Variants in TMEM97 observed in about 807,000 individuals in gnomAD.
TMEM97 encodes sigma intracellular receptor 2.
In TMEM97, 13 loss-of-function variants were observed where a neutral mutation model predicts 18.3. That is an observed-to-expected ratio of 0.71 (90% CI 0.46 to 1.13). TMEM97 has a LOEUF of 1.13. TMEM97 is among the 50% of genes most tolerant of loss of function. The probability of loss-of-function intolerance (pLI) is 0.00; values close to 1 mark genes in which losing one functional copy is unlikely to be tolerated. For synonymous variants in TMEM97, 76 were observed against 85.3 expected (o/e 0.89, Z 0.60); for missense variants, 205 against 210.5 (o/e 0.97, Z 0.16).
At position 28,319,282 on chromosome 17, in the gene TMEM97, G is replaced by T; in HGVS notation, c.43G>T (p.Gly15Cys). The T allele has an allele frequency of 6.2e-7, 1 of 1,610,390 alleles. No individual in the cohort carries two copies. Among genetic ancestry groups the T allele is most frequent in the South Asian group, 1.1e-5 (1 of 90,924 alleles). Residue 15 changes from glycine to cysteine, a missense_variant, in exon 1 of 3, where the codon GGC becomes TGC. Physicochemically the swap from Gly to Cys is radical, Grantham distance 159. Transcript: ENST00000226230. ...CAGGCGCTGCGTGGAGTGGCTGCTG[G>T]GCCTCTACTTCCTCAGCCACATCCC... ...ATRRCVEWLL[G>C]LYFLSHIPIT...
chr17:28,323,947 G>A (rs1331222498), intron 1 of TMEM97, among the ~76,000 whole-genome samples: 5 of 152,264 alleles, frequency 3.3e-5, no homozygotes, highest in East Asian at 1.9e-4. Context: ...GCAGTGGGCC[G>A]AGATCAAATC....
intron 1 of TMEM97, among the ~76,000 whole-genome samples, chr17:28,320,937 C>T (rs1906118528): frequency 6.6e-6 from 1 of 152,182 alleles, no homozygotes; most frequent in African/African-American, 2.4e-5. Context: ...CACCAGATAA[C>T]CCAGAAAATC....
At position 28,326,940 on chromosome 17, in the gene TMEM97, C is replaced by A. The variant is rs1286598502; in HGVS notation, c.*147C>A. On this transcript the variant is annotated 3_prime_UTR_variant, in exon 3 of 3. Transcript: ENST00000226230. The stretch of plus-strand genomic sequence containing the variant: ...ACAAGAGCAAGATGGTGTCAGGAAC[C>A]ATGTCAAACCCTCACCTTCTTCCAT... 5 of 1,010,478 alleles carry A rather than the reference C, an allele frequency of 4.9e-6. No homozygotes were observed. The highest frequency in any genetic ancestry group is 4.9e-5 in the African/African-American group (3 of 61,794). 62.6% of individuals were successfully genotyped at this position (1,010,478 alleles called of 1,614,324 possible). A position where few individuals can be genotyped will look rare whatever the true frequency, so the allele number is the denominator to read the frequency against.
Position 28,328,418 on chromosome 17 carries a change from C to A in TMEM97, c.*1625C>A. On this transcript the variant is annotated 3_prime_UTR_variant, in exon 3 of 3. Coordinates refer to ENST00000226230, the MANE Select transcript of TMEM97 (RefSeq NM_014573.3). ...AAGTTTACAAACTGCTTAGTTCCAACTAAGCATAAGAGGTGAGAACGTACA... is the reference window on the plus strand; with the variant it reads ...AAGTTTACAAACTGCTTAGTTCCAAATAAGCATAAGAGGTGAGAACGTACA... 2.3e-6 allele frequency: 1 copy of A among 442,848 alleles called. No individual in the cohort carries two copies. Among genetic ancestry groups the A allele is most frequent in the African/African-American group, 2.1e-5 (1 of 48,698 alleles). 27.4% of individuals were successfully genotyped at this position (442,848 alleles called of 1,614,324 possible).
At chr17:28,325,447 G>A (rs1906293639) in intron 1 of TMEM97, 56 bp from the exon 2 acceptor site, 23 of 1,600,642 alleles carry the variant, frequency 1.4e-5, no homozygotes, top group South Asian at 1.1e-4. Flanking sequence ...ATGAGCTAGC[G>A]CCGAGCCTGT....
chr17:28,327,137 GT>G lies in TMEM97; in HGVS notation c.*352del, dbSNP rs1243113148. ...CCAACACGTATGGCTAATTTGTTTT[GT>G]TTTTTTTGTGTGTGTGGAGACAGGG... On this transcript the variant is annotated 3_prime_UTR_variant, in exon 3 of 3. Transcript: ENST00000226230. The G allele has an allele frequency of 9.1e-6, 2 of 219,254 alleles. No homozygotes were observed. Among genetic ancestry groups the G allele is most frequent in the Non-Finnish European group, 1.8e-5 (2 of 108,516 alleles). The allele number at this position is 219,254 out of a possible 1,614,324, so 13.6% of individuals were successfully genotyped here.
At chr17:28,323,094 C>G (rs1257086259) in intron 1 of TMEM97, among the ~76,000 whole-genome samples, 1 of 151,916 alleles carries the variant, frequency 6.6e-6, no homozygotes, top group Non-Finnish European at 1.5e-5. Flanking sequence ...AGATTAAAGG[C>G]CTTGCCTAAA....
chr17:28,320,827 A>C (rs1906114119), intron 1 of TMEM97, among the ~76,000 whole-genome samples: 1 of 152,110 alleles, frequency 6.6e-6, no homozygotes, highest in Admixed American at 6.6e-5. Flanking sequence ...TGTTCACGTC[A>C]CTTCAATCTC....
intron 1 of TMEM97, among the ~76,000 whole-genome samples, chr17:28,323,119 C>T (rs570935081): frequency 2.0e-5 from 3 of 152,100 alleles, no homozygotes; most frequent in Non-Finnish European, 4.4e-5. Context: ...GGCACTCTAC[C>T]CCAGGTCCTA....
intron 1 of TMEM97, among the ~76,000 whole-genome samples, chr17:28,324,025 C>A (rs1555575178): frequency 6.6e-6 from 1 of 152,122 alleles, no homozygotes; most frequent in Non-Finnish European, 1.5e-5. Flanking sequence ...TATAGTCAAT[C>A]TTTTAAAGCA....
At position 28,327,611 on chromosome 17, in the gene TMEM97, C is replaced by G. The variant is rs576148737; in HGVS notation, c.*818C>G. 2.0e-5 allele frequency: 3 copies of G among 152,284 alleles called. No individual in the cohort carries two copies. The South Asian group carries it at 6.2e-4, about 32-fold the overall frequency. 9.4% of individuals were successfully genotyped at this position (152,284 alleles called of 1,614,324 possible). A position where few individuals can be genotyped will look rare whatever the true frequency, so the allele number is the denominator to read the frequency against. On this transcript the variant is annotated 3_prime_UTR_variant, in exon 3 of 3. Coordinates refer to ENST00000226230, the MANE Select transcript of TMEM97 (RefSeq NM_014573.3). ...CTTTAATGTTAATTCAAAACTATAT[C>G]AATGTTTTCTTGTTCCCACCTCTAA...
In TMEM97 at chr17:28,328,390, T is replaced by A. The variant is rs1906465221; in HGVS notation, c.*1597T>A. 2.8e-6 allele frequency: 1 copy of A among 356,172 alleles called. No homozygotes were observed. The highest frequency in any genetic ancestry group is 2.1e-5 in the African/African-American group (1 of 47,030). 22.1% of individuals were successfully genotyped at this position (356,172 alleles called of 1,614,324 possible). A position where few individuals can be genotyped will look rare whatever the true frequency, so the allele number is the denominator to read the frequency against. ...CTTTGTGAATTTACAAAAAAAAGGA[T>A]GAAAGTTTACAAACTGCTTAGTTCC... On this transcript the variant is annotated 3_prime_UTR_variant, in exon 3 of 3. Transcript: ENST00000226230.
At chr17:28,326,438 A>T in intron 2 of TMEM97, 96 bp from the exon 3 acceptor site, 1 of 1,437,506 alleles carries the variant, frequency 7.0e-7, no homozygotes, top group South Asian at 1.4e-5. Context: ...AGAAGGGAGT[A>T]GAAGAAAGCA....
intron 1 of TMEM97, among the ~76,000 whole-genome samples, chr17:28,325,114 T>C (rs1555575300): frequency 6.6e-6 from 1 of 152,198 alleles, no homozygotes; most frequent in South Asian, 2.1e-4. Context: ...CAAAGAATGA[T>C]ATTGTTGACA....
At chr17:28,326,414 G>C in intron 2 of TMEM97, 120 bp from the exon 3 acceptor site, 1 of 1,270,524 alleles carries the variant, frequency 7.9e-7, no homozygotes, top group Non-Finnish European at 1.1e-6. Context: ...TTCCAGTTCC[G>C]AGTTTCCACT....
intron 1 of TMEM97, among the ~76,000 whole-genome samples, chr17:28,324,230 C>T (rs558900098): frequency 1.0e-3 from 158 of 152,180 alleles, no homozygotes; most frequent in African/African-American, 3.7e-3. Context: ...TAGAAGGAAG[C>T]GAAGGGCATT....
intron 1 of TMEM97, among the ~76,000 whole-genome samples, chr17:28,323,685 C>A (rs1184110087): frequency 6.6e-6 from 1 of 152,198 alleles, no homozygotes; most frequent in African/African-American, 2.4e-5. Context: ...AGGCATGAGC[C>A]ACCGGGCCTG....
rs182610790 is a variant in TMEM97 at position 28,325,641 on chromosome 17, C to T, written c.265C>T (p.Leu89Phe). Residue 89 changes from leucine to phenylalanine, a missense_variant, in exon 2 of 3, where the codon CTC becomes TTC. By Grantham distance (22) the Leu-to-Phe change is conservative. Coordinates refer to ENST00000226230, the MANE Select transcript of TMEM97 (RefSeq NM_014573.3). The stretch of plus-strand genomic sequence containing the variant: ...CTTTCCCATTGCAACGTATGCCTTC[C>T]TCAAAGGTTGGTAAATGGTGGGAAA... ...PFFPIATYAF[L>F]KGSCKWIRTP... is the part of the protein sequence containing the mutation. 3 of 1,613,904 alleles carry T rather than the reference C, an allele frequency of 1.9e-6. No homozygotes were observed. Among genetic ancestry groups the T allele is most frequent in the African/African-American group, 2.7e-5 (2 of 75,010 alleles).
chr17:28,323,584 A>G (rs575789929), intron 1 of TMEM97, among the ~76,000 whole-genome samples: 1 of 152,230 alleles, frequency 6.6e-6, no homozygotes, highest in Non-Finnish European at 1.5e-5. Context: ...TTTTTAGTAG[A>G]GACGAGGTTT....
Sources: gnomAD v4.1 joint callset for allele counts (sites outside exome capture counted in the v4.1 genomes callset) on GRCh38, gnomAD v4.1.1 for gene constraint, MANE v1.5 for transcripts, NCBI Gene and HGNC (gene_info 2026-07-23, HGNC 2026-07-21) for gene names.